Variants in SMG1 observed in about 807,000 individuals in gnomAD.
The protein encoded by SMG1 is serine/threonine-protein kinase SMG1.
SMG1 carries 22 observed loss-of-function variants against 419.9 expected under a neutral mutation model. That is an observed-to-expected ratio of 0.05 (90% CI 0.04 to 0.07). SMG1 has a LOEUF of 0.07. Ranked by LOEUF, SMG1 falls within the 10% of genes least tolerant of loss-of-function variation. The pLI is 1.00. For missense variants in SMG1, 3,185 were observed against 4,342.0 expected, an observed-to-expected ratio of 0.73 and a Z score of 7.49; for synonymous variants, 1,538 against 1,553.5, an observed-to-expected ratio of 0.99 and a Z score of 0.23.
At chr16:18,827,543 T>C (rs1159880473) in intron 55 of SMG1, among the ~76,000 whole-genome samples, 2 of 145,690 alleles carry the variant, frequency 1.4e-5, no homozygotes, top group Non-Finnish European at 3.0e-5. Context: ...TACCAAAATA[T>C]ATTTTTTTAT....
intron 33 of SMG1, among the ~76,000 whole-genome samples, chr16:18,850,844 C>G (rs1295712728): frequency 6.6e-6 from 1 of 152,080 alleles, no homozygotes; most frequent in East Asian, 1.9e-4. Flanking sequence ...CTCTCTGCCT[C>G]CCAGGTTCAA....
intron 9 of SMG1, among the ~76,000 whole-genome samples, chr16:18,883,656 C>G (rs149829429): frequency 6.6e-6 from 1 of 152,158 alleles, no homozygotes; most frequent in Non-Finnish European, 1.5e-5. Context: ...CGGGGGCTCA[C>G]GCCTATAATC....
chr16:18,817,519 A>C (rs2032123890), intron 56 of SMG1, 49 bp from the exon 57 acceptor site: 2 of 1,423,426 alleles, frequency 1.4e-6, no homozygotes, highest in Non-Finnish European at 1.9e-6. Context: ...GGAAGGTGGG[A>C]AAGGGAGGTG....
chr16:18,844,458 C>G (rs1474354867), intron 39 of SMG1, among the ~76,000 whole-genome samples: 1 of 13,046 alleles, frequency 7.7e-5, no homozygotes, highest in Non-Finnish European at 1.7e-4. Context: ...AACAACACCC[C>G]CCCCCCCCGC....
At chr16:18,829,237 T>G (rs2032991920) in intron 54 of SMG1, 49 bp downstream of exon 54, 1 of 1,459,692 alleles carries the variant, frequency 6.9e-7, no homozygotes, top group Admixed American at 2.4e-5. Flanking sequence ...CCCCCATTTT[T>G]CAAGTTTCCT....
chr16:18,880,607 T>TGAGAGGCTGAGGTGG (rs1439796490), intron 10 of SMG1, among the ~76,000 whole-genome samples: 1 of 150,862 alleles, frequency 6.6e-6, no homozygotes, highest in Non-Finnish European at 1.5e-5. Context: ...CCCAACTACT[T>TGAGAGGCTGAGGTGG]GAGAGGCTGA....
At chr16:18,885,368 T>A (rs1400010678) in intron 7 of SMG1, 173 bp downstream of exon 7, 1 of 833,264 alleles carries the variant, frequency 1.2e-6, no homozygotes, top group Non-Finnish European at 1.9e-6. Flanking sequence ...TCTTCAAATA[T>A]TTTAAGGTAT....
rs1239391990 is a variant in SMG1, at chr16:18,807,526, G to A, written c.*2043C>T. On this transcript the variant is annotated 3_prime_UTR_variant, in exon 63 of 63. Coordinates refer to ENST00000446231, the MANE Select transcript of SMG1 (RefSeq NM_015092.5). ...TGGGTATTTCAAAAAAATCCACCGT[G>A]CCTACAATACTTGTTAAAGTACCAA... 1 of 151,940 alleles carries A rather than the reference G, an allele frequency of 6.6e-6. No individual in the cohort carries two copies. The highest frequency in any genetic ancestry group is 1.9e-4 in the East Asian group (1 of 5,188). 9.4% of individuals were successfully genotyped at this position (151,940 alleles called of 1,614,324 possible).
rs575666571 is a variant in SMG1, at chr16:18,896,221, T to C, written c.257-14A>G. The C allele has an allele frequency of 2.5e-5, 31 of 1,248,244 alleles. No homozygotes were observed. The African/African-American group carries it at 4.3e-4, about 17-fold the overall frequency. 77.3% of individuals were successfully genotyped at this position (1,248,244 alleles called of 1,614,324 possible). On this transcript the variant is annotated splice_polypyrimidine_tract_variant and intron_variant, in intron 2 of 62. Transcript: ENST00000446231. The stretch of plus-strand genomic sequence containing the variant: ...CACTGTAGCCACCTACAAACAGCAA[T>C]GTGTACGTTATTTAAATATGATTGT...
At chr16:18,854,958 T>C (rs930602905) in intron 29 of SMG1, 54 bp from the exon 30 acceptor site, 1 of 1,546,546 alleles carries the variant, frequency 6.5e-7, no homozygotes, top group Non-Finnish European at 8.7e-7. Flanking sequence ...CCAGACTGCA[T>C]GGAAACATGG....
intron 1 of SMG1, among the ~76,000 whole-genome samples, chr16:18,899,194 G>A (rs1361832170): frequency 1.3e-5 from 2 of 152,128 alleles, no homozygotes. Context: ...CTTCACTGAA[G>A]AAACCGGGTA....
chr16:18,840,477 C>A (rs952040326), intron 41 of SMG1, among the ~76,000 whole-genome samples: 16 of 152,168 alleles, frequency 1.1e-4, no homozygotes, highest in Non-Finnish European at 1.8e-4. Context: ...TTTCCCCTAC[C>A]TACCCTTATC....
In SMG1 at chr16:18,815,475, A is replaced by G. The variant is rs770835426; in HGVS notation, c.10479T>C (p.Thr3493=). ...GTGTTTTCAGTTCTTTCAAGGTGGG[A>G]GTGATTTCCTGGAGCATTTCAACGT... ...QEHVEMLQEI[T]PTLKELKTQS... is the part of the protein sequence containing the mutation. Residue 3493 remains threonine, a synonymous_variant, in exon 59 of 63, where the codon ACT becomes ACC. Coordinates refer to ENST00000446231, the MANE Select transcript of SMG1 (RefSeq NM_015092.5). 1 of 1,613,978 alleles carries G rather than the reference A, an allele frequency of 6.2e-7. No individual in the cohort carries two copies. Among genetic ancestry groups the G allele is most frequent in the Admixed American group, 1.7e-5 (1 of 60,024 alleles).
chr16:18,871,920 T>C (rs2035845794), intron 15 of SMG1, among the ~76,000 whole-genome samples: 1 of 151,692 alleles, frequency 6.6e-6, no homozygotes, highest in Non-Finnish European at 1.5e-5. Context: ...GCAAAGAATA[T>C]TAAAAATCTA....
At chr16:18,910,365 G>C (rs1210621608) in intron 1 of SMG1, among the ~76,000 whole-genome samples, 2 of 151,668 alleles carry the variant, frequency 1.3e-5, no homozygotes, top group African/African-American at 4.8e-5. Flanking sequence ...CAAATAGCTG[G>C]GATTACAGGC....
Position 18,852,418 on chromosome 16 carries a change from A to G in SMG1, c.4813T>C (p.Tyr1605His), listed in dbSNP as rs765896577. ...GEPDFILGQLYHLSSVQAPEV... is the reference protein window; with the variant it reads ...GEPDFILGQLHHLSSVQAPEV... ...GGTGCCTGTACTGAAGACAGGTGAT[A>G]CAACTGTCCCAAAATGAAGTCAGGT... The change falls in exon 32 of 63, where the codon TAT becomes CAT. Residue 1605 changes from tyrosine to histidine, a missense_variant. Transcript: ENST00000446231. 3 of 1,606,844 alleles carry G rather than the reference A, an allele frequency of 1.9e-6. No individual in the cohort carries two copies. The highest frequency in any genetic ancestry group is 2.2e-5 in the East Asian group (1 of 44,758).
intron 25 of SMG1, among the ~76,000 whole-genome samples, chr16:18,862,272 T>C (rs962182872): frequency 1.8e-4 from 27 of 152,338 alleles, no homozygotes; most frequent in African/African-American, 6.5e-4. Flanking sequence ...TGTATTTTTT[T>C]GAATGGCCTC....
Position 18,838,657 on chromosome 16 carries a change from C to A in SMG1, c.6978G>T (p.Met2326Ile), listed in dbSNP as rs1356237093. The A allele has an allele frequency of 5.6e-6, 9 of 1,611,690 alleles. No homozygotes were observed. The highest frequency in any genetic ancestry group is 7.6e-6 in the Non-Finnish European group (9 of 1,178,902). ...SYARSTAVMSMVGYIIGLGDR... is the reference protein window; with the variant it reads ...SYARSTAVMSIVGYIIGLGDR... ...CTCCAAGGCCAATTATGTATCCAAC[C>A]ATAGACATGACTGCAGTAGATCTTG... Residue 2326 changes from methionine (M) to isoleucine (I), a missense_variant, in exon 43 of 63, where the codon ATG becomes ATT. Met to Ile is a conservative substitution (Grantham distance 10). This residue lies in a region of SMG1 where 132 missense variants were observed against 151.0 expected (regional missense o/e 0.87). Transcript: ENST00000446231.
In SMG1 at chr16:18,805,838, T is replaced by C. The variant is rs2141893814; in HGVS notation, c.*3731A>G. 6.6e-6 allele frequency: 1 copy of C among 152,508 alleles called. No homozygotes were observed. Among genetic ancestry groups the C allele is most frequent in the Non-Finnish European group, 1.5e-5 (1 of 68,028 alleles). The allele number at this position is 152,508 out of a possible 1,614,324, so 9.4% of individuals were successfully genotyped here. On this transcript the variant is annotated 3_prime_UTR_variant, in exon 63 of 63. Transcript: ENST00000446231. The stretch of plus-strand genomic sequence containing the variant: ...CACTGGTTTTCATACTCTAATTTTA[T>C]GTAAAACAAAGATGCTTAAATGTGC...
Sources: allele counts gnomAD v4.1 joint callset (sites outside exome capture counted in the v4.1 genomes callset), GRCh38; gene constraint gnomAD v4.1.1; regional missense constraint gnomAD v4.1.1; transcripts MANE v1.5; gene names NCBI Gene and HGNC (gene_info 2026-07-23, HGNC 2026-07-21).